The following YARS1 variants were observed in gnomAD, a reference collection of about 807,000 sequenced individuals.
YARS1 encodes tyrosine--tRNA ligase, cytoplasmic.
A neutral mutation model predicts 62.2 loss-of-function variants in YARS1; 36 were observed. That is an observed-to-expected ratio of 0.58 (90% confidence interval 0.44 to 0.76). YARS1 has a LOEUF of 0.76. YARS1 is among the 30% of genes least tolerant of loss of function. YARS1 has a pLI of 0.00. For synonymous variants in YARS1, 234 were observed against 244.9 expected, an observed-to-expected ratio of 0.96 and a Z score of 0.42; for missense variants, 524 against 639.8, an observed-to-expected ratio of 0.82 and a Z score of 1.95.
intron 1 of YARS1, among the ~76,000 whole-genome samples, chr1:32,814,338 G>GT (rs1442558294): frequency 1.3e-5 from 2 of 152,048 alleles, no homozygotes; most frequent in Non-Finnish European, 2.9e-5. Context: ...CAGGATTACC[G>GT]TAACATTCTC....
intron 4 of YARS1, among the ~76,000 whole-genome samples, chr1:32,804,820 C>A (rs1638412398): frequency 6.6e-6 from 1 of 152,080 alleles, no homozygotes; most frequent in Admixed American, 6.5e-5. Context: ...TCCTCACTTC[C>A]CAGATGGGGT....
At chr1:32,806,726 G>T in intron 3 of YARS1, 115 bp from the exon 4 acceptor site, 2 of 1,415,982 alleles carry the variant, frequency 1.4e-6, no homozygotes, top group Non-Finnish European at 2.0e-6. Context: ...AGGGATCTCG[G>T]TTTTAAAAAT....
At chr1:32,797,043 TATATATAG>T (rs1351913529) in intron 5 of YARS1, among the ~76,000 whole-genome samples, 26 of 74,852 alleles carry the variant, frequency 3.5e-4, no homozygotes, top group African/African-American at 1.4e-3. Context: ...TATATATATA[TATATATAG>T]TAAGCATTTC....
Position 32,776,066 on chromosome 1 carries a change from C to A in YARS1, c.1502G>T (p.Cys501Phe), listed in dbSNP as rs1035749824. 1.2e-6 allele frequency: 2 copies of A among 1,613,962 alleles called. No homozygotes were observed. The highest frequency in any genetic ancestry group is 1.7e-6 in the Non-Finnish European group (2 of 1,180,002). ...GTTGGTTTGCTTCCACTGTGCGATGCACTCCTCAGAAATTTTGAAGTCAGC... is the reference window on the plus strand; with the variant it reads ...GTTGGTTTGCTTCCACTGTGCGATGAACTCCTCAGAAATTTTGAAGTCAGC... ...LQADFKISEE[C>F]IAQWKQTNFM... Residue 501 changes from cysteine (C) to phenylalanine (F), a missense_variant, in exon 13 of 13, where the codon TGC becomes TTC. By Grantham distance (205) the Cys-to-Phe change is radical. Transcript: ENST00000373477. This position sits in a 1 kb window ranked among gnomAD's most constrained non-coding sequence, Gnocchi z 4.0.
intron 5 of YARS1, among the ~76,000 whole-genome samples, chr1:32,795,823 A>C (rs1383221858): frequency 6.6e-6 from 1 of 151,074 alleles, no homozygotes; most frequent in African/African-American, 2.4e-5. Context: ...AAAAAAAAAG[A>C]TTTTAGGCTT....
intron 3 of YARS1, 27 bp downstream of exon 3, chr1:32,810,564 A>G: frequency 1.2e-6 from 2 of 1,612,248 alleles, no homozygotes; most frequent in Non-Finnish European, 1.7e-6. Context: ...CCAGAGCCAC[A>G]AGGAGGGTGG....
chr1:32,793,486 A>T (rs1653478930), intron 5 of YARS1, among the ~76,000 whole-genome samples: 1 of 152,106 alleles, frequency 6.6e-6, no homozygotes, highest in South Asian at 2.1e-4. Context: ...CCAAAAAAAA[A>T]TACAAAAATT....
chr1:32,802,978 ATTTTTT>A (rs34189200), intron 4 of YARS1, among the ~76,000 whole-genome samples: 1 of 89,412 alleles, frequency 1.1e-5, no homozygotes, highest in African/African-American at 4.4e-5. Flanking sequence ...ACGCCTGGCT[ATTTTTT>A]TTTTTTTTTT....
intron 6 of YARS1, among the ~76,000 whole-genome samples, chr1:32,789,529 C>T (rs1408931250): frequency 6.6e-6 from 1 of 151,766 alleles, no homozygotes; most frequent in Non-Finnish European, 1.5e-5. Flanking sequence ...ATATGAATCA[C>T]CTTTTACTGG....
rs141482636 is a variant in YARS1 at position 32,786,965 on chromosome 1, C to T, written c.795G>A (p.Lys265=). The T allele has an allele frequency of 1.8e-5, 29 of 1,613,956 alleles. No individual in the cohort carries two copies. The highest frequency in any genetic ancestry group is 2.4e-5 in the Non-Finnish European group (28 of 1,179,994). ...VENNGVLSFI[K]HVLFPLKSEF... Reference sequence around the variant, plus strand: ...CGGACTTAAGGGGAAAAAGGACATGCTTGATGAAGGACAGAACCCCATTGT... The same window carrying T: ...CGGACTTAAGGGGAAAAAGGACATGTTTGATGAAGGACAGAACCCCATTGT... Residue 265 remains lysine (K), a synonymous_variant, in exon 7 of 13, where the codon AAG becomes AAA. Coordinates refer to ENST00000373477, the MANE Select transcript of YARS1 (RefSeq NM_003680.4).
Position 32,817,336 on chromosome 1 carries a change from A to G in YARS1, c.-92T>C. The G allele has an allele frequency of 1.3e-6, 2 of 1,534,078 alleles. No homozygotes were observed. Among genetic ancestry groups the G allele is most frequent in the Non-Finnish European group, 1.8e-6 (2 of 1,115,738 alleles). ...GCCGCGTGCCGGGAACTGTCACGCG[A>G]GTCCAGCCAGGTTGCATCAGCTGGG... is the stretch of plus-strand genomic sequence containing the variant. On this transcript the variant is annotated 5_prime_UTR_variant, in exon 1 of 13. Coordinates refer to ENST00000373477, the MANE Select transcript of YARS1 (RefSeq NM_003680.4).
intron 4 of YARS1, 174 bp from the exon 5 acceptor site, chr1:32,798,017 T>A (rs1230001951): frequency 1.3e-5 from 8 of 609,356 alleles, no homozygotes; most frequent in Non-Finnish European, 2.4e-5. Context: ...ATTACAGACA[T>A]GCACCACCAC....
intron 3 of YARS1, among the ~76,000 whole-genome samples, chr1:32,808,779 A>C (rs371692333): frequency 1.6e-3 from 236 of 151,830 alleles, no homozygotes; most frequent in African/African-American, 5.3e-3. Context: ...TCAAATTGAA[A>C]CCCCCCGCTT....
chr1:32,802,242 C>T (rs868355481), intron 4 of YARS1, among the ~76,000 whole-genome samples: 1 of 152,076 alleles, frequency 6.6e-6, no homozygotes, highest in Non-Finnish European at 1.5e-5. Context: ...CCACCGCGCC[C>T]GGCCTGTTCT....
intron 4 of YARS1, among the ~76,000 whole-genome samples, chr1:32,803,705 C>G (rs1298371576): frequency 6.6e-6 from 1 of 151,838 alleles, no homozygotes; most frequent in East Asian, 1.9e-4. Flanking sequence ...CTTGCTGCAA[C>G]TTCTACATCA....
At chr1:32,803,541 C>G (rs1638360393) in intron 4 of YARS1, among the ~76,000 whole-genome samples, 1 of 152,158 alleles carries the variant, frequency 6.6e-6, no homozygotes, top group Non-Finnish European at 1.5e-5. Context: ...TCAGCCTGTC[C>G]TTTGAAGATT....
At chr1:32,794,096 T>C (rs1438460125) in intron 5 of YARS1, among the ~76,000 whole-genome samples, 2 of 152,164 alleles carry the variant, frequency 1.3e-5, no homozygotes, top group East Asian at 1.9e-4. Flanking sequence ...ACGCCTGTAA[T>C]CCCAGAACTT....
chr1:32,804,428 C>G (rs917395253), intron 4 of YARS1, among the ~76,000 whole-genome samples: 1 of 151,872 alleles, frequency 6.6e-6, no homozygotes, highest in Non-Finnish European at 1.5e-5. Context: ...TGCCCCCCAC[C>G]TCCCGGACGG....
Position 32,789,076 on chromosome 1 carries a change from T to C in YARS1, c.685-2001A>G, listed in dbSNP as rs190242536. On this transcript the variant is annotated intron_variant, in intron 6 of 12. Coordinates refer to ENST00000373477, the MANE Select transcript of YARS1 (RefSeq NM_003680.4). ...CCTGGACTCAACCTATCTGCCCACCTTGGCTTCCCAAAGTGCTAGGATTAC... is the reference window on the plus strand; with the variant it reads ...CCTGGACTCAACCTATCTGCCCACCCTGGCTTCCCAAAGTGCTAGGATTAC... 5.9e-5 allele frequency among the ~76,000 whole-genome samples: 9 copies of C among 152,338 alleles called. No homozygotes were observed. In the East Asian group the frequency reaches 1.7e-3, roughly 29 times the overall value.
Sources: gnomAD v4.1 joint callset for allele counts (sites outside exome capture counted in the v4.1 genomes callset) on GRCh38, gnomAD v4.1.1 for gene constraint, Gnocchi (gnomAD v3.1) non-coding constraint, MANE v1.5 for transcripts, NCBI Gene and HGNC (gene_info 2026-07-23, HGNC 2026-07-21) for gene names.